The following SOAT1 variants were observed in gnomAD, a reference collection of about 807,000 sequenced individuals.
The protein encoded by SOAT1 is sterol O-acyltransferase 1.
SOAT1 carries 55 observed loss-of-function variants against 69.5 expected under a neutral mutation model. The observed-to-expected ratio is 0.79, with a 90% CI of 0.64 to 0.99. The LOEUF (loss-of-function observed/expected upper bound fraction) is 0.99. Among genes scored for constraint, SOAT1 ranks in the 50% least tolerant of loss-of-function variants. The probability of loss-of-function intolerance (pLI) is 0.00; values close to 1 mark genes in which losing one functional copy is unlikely to be tolerated. For synonymous variants in SOAT1, 231 were observed against 224.7 expected (o/e 1.03, Z -0.25); for missense variants, 580 against 669.3 (o/e 0.87, Z 1.47).
rs755193328 is a variant in SOAT1 at position 179,339,546 on chromosome 1, G to A, written c.497+1G>A. On this transcript the variant is annotated splice_donor_variant, in intron 6 of 15. Coordinates refer to ENST00000367619, the MANE Select transcript of SOAT1 (RefSeq NM_003101.6). LOFTEE classifies it high-confidence loss of function. ...TAGTAGATTACATTGATGAAGGAAG[G>A]TAAGACAACAAAAAAGATGGCTGGC... 3 of 1,583,648 alleles carry A rather than the reference G, an allele frequency of 1.9e-6. No homozygotes were observed. Among genetic ancestry groups the A allele is most frequent in the Non-Finnish European group, 1.7e-6 (2 of 1,162,260 alleles).
At chr1:179,338,526 G>A (rs868454625) in intron 5 of SOAT1, among the ~76,000 whole-genome samples, 39 of 152,134 alleles carry the variant, frequency 2.6e-4, no homozygotes, top group African/African-American at 8.9e-4. Context: ...TAAGAAGGCC[G>A]GTTTTCTAAG....
intron 2 of SOAT1, 115 bp downstream of exon 2, chr1:179,302,917 G>GT (rs1664883916): frequency 1.8e-6 from 1 of 541,794 alleles, no homozygotes; most frequent in African/African-American, 2.0e-5. Flanking sequence ...TATTGATAGA[G>GT]TTTTATATGT....
At chr1:179,304,615 G>A (rs1664942525) in intron 2 of SOAT1, among the ~76,000 whole-genome samples, 1 of 150,890 alleles carries the variant, frequency 6.6e-6, no homozygotes, top group South Asian at 2.1e-4. Flanking sequence ...CTCCTTCTTT[G>A]TTTCTTCCCT....
chr1:179,301,564 A>G (rs534206441), intron 1 of SOAT1, among the ~76,000 whole-genome samples: 2 of 152,324 alleles, frequency 1.3e-5, no homozygotes, highest in East Asian at 3.9e-4. Context: ...TGTGGTGTGC[A>G]TTCCTATAAA....
chr1:179,309,243 C>G (rs1665136014), intron 2 of SOAT1, among the ~76,000 whole-genome samples: 1 of 152,134 alleles, frequency 6.6e-6, no homozygotes, highest in Non-Finnish European at 1.5e-5. Context: ...GCCACCATGC[C>G]TTGCTAATTT....
intron 13 of SOAT1, 62 bp from the exon 14 acceptor site, chr1:179,350,234 T>A (rs1024518647): frequency 2.2e-5 from 32 of 1,422,632 alleles, no homozygotes; most frequent in Non-Finnish European, 2.7e-5. Context: ...TTACATCCTA[T>A]ATAATCCATG....
chr1:179,316,402 A>T lies in SOAT1; in HGVS notation c.119-7035A>T, dbSNP rs1277571692. 4.0e-5 allele frequency among the ~76,000 whole-genome samples: 6 copies of T among 150,938 alleles called. No homozygotes were observed. In the South Asian group the frequency reaches 6.3e-4, roughly 16 times the overall value. Reference sequence around the variant, plus strand: ...TATATCTAAGTCGATTATTATTATTATTTTTTCTTTTGAGATGGAGTTTCA... The same window carrying T: ...TATATCTAAGTCGATTATTATTATTTTTTTTTCTTTTGAGATGGAGTTTCA... On this transcript the variant is annotated intron_variant, in intron 2 of 15. Transcript: ENST00000367619.
At chr1:179,345,825 C>A (rs766757164) in intron 11 of SOAT1, among the ~76,000 whole-genome samples, 1 of 152,196 alleles carries the variant, frequency 6.6e-6, no homozygotes, top group East Asian at 1.9e-4. Flanking sequence ...GCTGGGGTTA[C>A]AGGCTTGAGC....
At chr1:179,341,346 C>T (rs772208783) in intron 7 of SOAT1, 36 bp downstream of exon 7, 1 of 1,576,348 alleles carries the variant, frequency 6.3e-7, no homozygotes, top group Admixed American at 1.8e-5. Flanking sequence ...CGATGCTGTC[C>T]TCGGCTAAAA....
intron 6 of SOAT1, among the ~76,000 whole-genome samples, chr1:179,340,820 G>T (rs200097229): frequency 2.0e-5 from 3 of 147,248 alleles, no homozygotes; most frequent in Admixed American, 6.8e-5. Flanking sequence ...ATATATTGTT[G>T]ATATATATAT....
In SOAT1 at chr1:179,294,245, A is replaced by T. The variant is rs189056772; in HGVS notation, c.-9+309A>T. 5.9e-5 allele frequency: 9 copies of T among 152,344 alleles called. No homozygotes were observed. In the East Asian group the frequency reaches 1.7e-3, roughly 29 times the overall value. The allele number at this position is 152,344 out of a possible 1,614,324, so 9.4% of individuals were successfully genotyped here. A position where few individuals can be genotyped will look rare whatever the true frequency, so the allele number is the denominator to read the frequency against. On this transcript the variant is annotated intron_variant, in intron 1 of 15. Coordinates refer to ENST00000367619, the MANE Select transcript of SOAT1 (RefSeq NM_003101.6). ...GGAATTAGAAGACGTTTTATTCTTT[A>T]AAAAGCGAAACCAAAAATGCACTCA...
intron 2 of SOAT1, among the ~76,000 whole-genome samples, chr1:179,322,959 C>T (rs1253489742): frequency 6.6e-6 from 1 of 151,662 alleles, no homozygotes; most frequent in Non-Finnish European, 1.5e-5. Flanking sequence ...CCCTGTGTTG[C>T]TTCAAGGTTG....
chr1:179,313,062 A>C (rs1415420929), intron 2 of SOAT1, among the ~76,000 whole-genome samples: 1 of 152,224 alleles, frequency 6.6e-6, no homozygotes, highest in East Asian at 1.9e-4. Context: ...GGCAGTGTTC[A>C]CCATGGCTGT....
chr1:179,331,998 A>T (rs1416579997), intron 3 of SOAT1, among the ~76,000 whole-genome samples: 2 of 152,130 alleles, frequency 1.3e-5, no homozygotes, highest in Non-Finnish European at 2.9e-5. Context: ...TGATCAAGGG[A>T]CCTACTTTTT....
intron 2 of SOAT1, among the ~76,000 whole-genome samples, chr1:179,312,115 T>G (rs911374264): frequency 1.3e-5 from 2 of 152,202 alleles, no homozygotes; most frequent in African/African-American, 4.8e-5. Flanking sequence ...TTCCAACTAC[T>G]TTTGTGAGGA....
At chr1:179,333,246 C>T (rs1404127540) in intron 3 of SOAT1, among the ~76,000 whole-genome samples, 1 of 152,132 alleles carries the variant, frequency 6.6e-6, no homozygotes, top group African/African-American at 2.4e-5. Flanking sequence ...TTTTCAGTTC[C>T]AGACCGTTAT....
chr1:179,297,758 G>A (rs1469475600), intron 1 of SOAT1, among the ~76,000 whole-genome samples: 1 of 150,082 alleles, frequency 6.7e-6, no homozygotes, highest in South Asian at 2.1e-4. Flanking sequence ...AATGCCGGGC[G>A]CGGTGGCTCA....
At chr1:179,341,397 G>A (rs1248976480) in intron 7 of SOAT1, 87 bp downstream of exon 7, 13 of 1,323,600 alleles carry the variant, frequency 9.8e-6, no homozygotes, top group Non-Finnish European at 1.4e-5. Flanking sequence ...ATTATTTTTA[G>A]CTGTATTAAC....
At chr1:179,335,389 G>A (rs12038140) in intron 3 of SOAT1, 117 bp from the exon 4 acceptor site, 199,679 of 863,230 alleles carry the variant, frequency 0.23, 25,193 homozygotes, top group East Asian at 0.48. Context: ...TTACTCCTGC[G>A]AACTCACTAT....
Sources: gnomAD v4.1 joint callset for allele counts (sites outside exome capture counted in the v4.1 genomes callset) on GRCh38, gnomAD v4.1.1 for gene constraint, MANE v1.5 for transcripts, NCBI Gene and HGNC (gene_info 2026-07-23, HGNC 2026-07-21) for gene names.